The following PRELID2 variants were observed in gnomAD, a reference collection of about 807,000 sequenced individuals.
PRELID2 encodes the protein PRELI domain containing 2.
A neutral mutation model predicts 28.4 loss-of-function variants in PRELID2; 25 were observed. The observed-to-expected ratio is 0.88, with a 90% CI of 0.64 to 1.23. The LOEUF is 1.23. Ranked by LOEUF, PRELID2 falls within the 50% of genes most tolerant of loss-of-function variation. The pLI is 0.00. For missense variants in PRELID2, 201 were observed against 214.4 expected, an observed-to-expected ratio of 0.94 and a Z score of 0.39; for synonymous variants, 76 against 71.6, an observed-to-expected ratio of 1.06 and a Z score of -0.31.
At chr5:145,303,818 C>T in the PRELID2 span, among the ~76,000 whole-genome samples, 17 of 152,128 alleles carry the variant, frequency 1.1e-4, no homozygotes, top group African/African-American at 3.9e-4. Flanking sequence ...TCCTCTAAAA[C>T]CCCAAGGATA....
At chr5:145,832,234 G>A (rs890637436) in intron 1 of PRELID2, among the ~76,000 whole-genome samples, 1 of 152,182 alleles carries the variant, frequency 6.6e-6, no homozygotes, top group African/African-American at 2.4e-5. Context: ...CACCCAGGCT[G>A]GAGTGCAATG....
At chr5:145,667,207 C>A (rs1318718299) in intron 1 of PRELID2, among the ~76,000 whole-genome samples, 2 of 151,928 alleles carry the variant, frequency 1.3e-5, no homozygotes, top group Non-Finnish European at 2.9e-5. Context: ...GGTTATAATA[C>A]CTTTAGTGGA....
At chr5:145,680,189 T>A (rs73302025) in intron 1 of PRELID2, among the ~76,000 whole-genome samples, 1 of 152,100 alleles carries the variant, frequency 6.6e-6, no homozygotes. Flanking sequence ...TGGGATGAGA[T>A]TCAGAAATTT....
intron 1 of PRELID2, among the ~76,000 whole-genome samples, chr5:145,591,959 AC>A (rs1434547592): frequency 3.3e-5 from 5 of 152,044 alleles, no homozygotes; most frequent in Admixed American, 1.3e-4. Flanking sequence ...TACATTCTTC[AC>A]CTCTACCTCA....
the PRELID2 span, among the ~76,000 whole-genome samples, chr5:145,456,433 C>A: frequency 6.6e-6 from 1 of 152,108 alleles, no homozygotes; most frequent in Non-Finnish European, 1.5e-5. Flanking sequence ...ACTTACCCAG[C>A]CATTTTTGGT....
chr5:145,757,067 ATAG>A lies in PRELID2; in HGVS notation c.*3466_*3468del, dbSNP rs1281248410. Among the ~76,000 whole-genome samples the A allele has an allele frequency of 6.6e-6, 1 of 152,232 alleles. No homozygotes were observed. The highest frequency in any genetic ancestry group is 2.4e-5 in the African/African-American group (1 of 41,458). ...AGAGAAATGTATACTAAATTAAGAA[ATAG>A]TTTGATGTAAATGATTGAAATAAAG... On this transcript the variant is annotated 3_prime_UTR_variant, in exon 7 of 7. Coordinates refer to ENST00000683046, the MANE Select transcript of PRELID2 (RefSeq NM_205846.3).
At chr5:145,451,991 T>C in the PRELID2 span, among the ~76,000 whole-genome samples, 1 of 152,184 alleles carries the variant, frequency 6.6e-6, no homozygotes, top group African/African-American at 2.4e-5. Context: ...CTTTTCCAAA[T>C]TGTCCCATGA....
At chr5:145,783,496 G>A (rs1751770074) in intron 5 of PRELID2, among the ~76,000 whole-genome samples, 1 of 152,142 alleles carries the variant, frequency 6.6e-6, no homozygotes, top group Non-Finnish European at 1.5e-5. Context: ...TGATATACCT[G>A]GTCTAGAAAT....
chr5:145,261,584 G>A, the PRELID2 span, among the ~76,000 whole-genome samples: 1 of 152,230 alleles, frequency 6.6e-6, no homozygotes, highest in African/African-American at 2.4e-5. Flanking sequence ...AGATCCAGAG[G>A]AAAAATAACA....
At chr5:145,292,394 T>C in the PRELID2 span, among the ~76,000 whole-genome samples, 1 of 151,152 alleles carries the variant, frequency 6.6e-6, no homozygotes, top group Non-Finnish European at 1.5e-5. Flanking sequence ...GTGGTTTGTG[T>C]GCAGGGGCAG....
chr5:145,494,184 G>T (rs1003595178), intron 1 of PRELID2, among the ~76,000 whole-genome samples: 1 of 152,134 alleles, frequency 6.6e-6, no homozygotes, highest in Admixed American at 6.6e-5. Context: ...GCAGATGGCA[G>T]AACAAAGATT....
At chr5:145,450,550 A>G in the PRELID2 span, 1 of 152,168 alleles carries the variant, frequency 6.6e-6, no homozygotes, top group Non-Finnish European at 1.5e-5. Flanking sequence ...GACCCAGGCC[A>G]TGACCACAAA....
intron 1 of PRELID2, among the ~76,000 whole-genome samples, chr5:145,673,818 A>G (rs1754759841): frequency 6.6e-6 from 1 of 152,172 alleles, no homozygotes; most frequent in East Asian, 1.9e-4. Context: ...AACTATTATT[A>G]TTATTACAGT....
At chr5:145,457,447 A>G in the PRELID2 span, among the ~76,000 whole-genome samples, 1 of 152,172 alleles carries the variant, frequency 6.6e-6, no homozygotes, top group Admixed American at 6.5e-5. Context: ...TCATTGCATT[A>G]TAATTCATTC....
chr5:145,802,907 G>A (rs1479201047), intron 4 of PRELID2, among the ~76,000 whole-genome samples: 1 of 152,190 alleles, frequency 6.6e-6, no homozygotes, highest in Non-Finnish European at 1.5e-5. Flanking sequence ...AGAGCACGCA[G>A]TCACCAGTGC....
chr5:145,412,833 C>T, the PRELID2 span, among the ~76,000 whole-genome samples: 1 of 152,140 alleles, frequency 6.6e-6, no homozygotes, highest in East Asian at 1.9e-4. Flanking sequence ...CCTCAGGAAA[C>T]TTACAATCAT....
At chr5:145,671,979 A>T (rs1754715735) in intron 1 of PRELID2, among the ~76,000 whole-genome samples, 1 of 152,302 alleles carries the variant, frequency 6.6e-6, no homozygotes, top group African/African-American at 2.4e-5. Flanking sequence ...AAAATTGCCC[A>T]AGTGCTTTAC....
At chr5:145,493,524 C>T (rs1008474409) in intron 1 of PRELID2, among the ~76,000 whole-genome samples, 2 of 152,152 alleles carry the variant, frequency 1.3e-5, no homozygotes, top group Non-Finnish European at 2.9e-5. Flanking sequence ...TGTAGCATGG[C>T]TTTTAAAATC....
At chr5:145,782,955 A>G (rs1379505084) in intron 5 of PRELID2, among the ~76,000 whole-genome samples, 1 of 152,236 alleles carries the variant, frequency 6.6e-6, no homozygotes, top group African/African-American at 2.4e-5. Context: ...AGCTCAGAGC[A>G]ACTAGCTCAA....
Sources: allele counts gnomAD v4.1 joint callset (sites outside exome capture counted in the v4.1 genomes callset), GRCh38; gene constraint gnomAD v4.1.1; transcripts MANE v1.5; gene names NCBI Gene and HGNC (gene_info 2026-07-23, HGNC 2026-07-21).